Variants in NRG1 observed in about 807,000 individuals in gnomAD.
The protein encoded by NRG1 is neuregulin 1.
In NRG1, 18 loss-of-function variants were observed where a neutral mutation model predicts 63.8. That is an observed-to-expected ratio of 0.28 (90% CI 0.19 to 0.42). NRG1 has a LOEUF of 0.42. Among genes scored for constraint, NRG1 ranks in the 10% least tolerant of loss-of-function variants. The probability of loss-of-function intolerance (pLI) is 1.00; values close to 1 mark genes in which losing one functional copy is unlikely to be tolerated. For synonymous variants in NRG1, 302 were observed against 301.3 expected (o/e 1.00, Z -0.02); for missense variants, 762 against 814.7 (o/e 0.94, Z 0.79).
intron 1 of NRG1, among the ~76,000 whole-genome samples, chr8:31,908,476 C>T (rs984497415): frequency 5.9e-5 from 9 of 152,214 alleles, no homozygotes; most frequent in South Asian, 2.1e-4. Flanking sequence ...CGGGTATGTG[C>T]GGCAACCTTG....
At chr8:31,724,002 T>C (rs544795930) in intron 1 of NRG1, among the ~76,000 whole-genome samples, 116 of 152,230 alleles carry the variant, frequency 7.6e-4, no homozygotes, top group Non-Finnish European at 1.4e-3. Context: ...AGTATTTGCT[T>C]GGTCACTTTT....
intron 1 of NRG1, among the ~76,000 whole-genome samples, chr8:32,465,110 G>A (rs1330733797): frequency 1.3e-5 from 2 of 152,104 alleles, no homozygotes; most frequent in South Asian, 2.1e-4. Context: ...GGGAGGCGGA[G>A]GTTGCAGTCT....
intron 1 of NRG1, among the ~76,000 whole-genome samples, chr8:32,449,627 A>T (rs1820716816): frequency 6.6e-6 from 1 of 152,230 alleles, no homozygotes; most frequent in African/African-American, 2.4e-5. Context: ...ACCATCAAAG[A>T]TGAATAAGCT....
intron 1 of NRG1, among the ~76,000 whole-genome samples, chr8:31,818,091 A>G (rs73674083): frequency 4.0e-4 from 61 of 152,156 alleles, no homozygotes; most frequent in Non-Finnish European, 7.1e-4. Context: ...TATAAGAAAG[A>G]TATTTATCAA....
At chr8:32,484,780 C>T (rs543137487) in intron 1 of NRG1, among the ~76,000 whole-genome samples, 1 of 152,232 alleles carries the variant, frequency 6.6e-6, no homozygotes, top group East Asian at 1.9e-4. Context: ...AGTATTACCA[C>T]TGGGTTTTAT....
intron 1 of NRG1, among the ~76,000 whole-genome samples, chr8:31,988,131 AC>A (rs1810406771): frequency 6.6e-6 from 1 of 152,136 alleles, no homozygotes; most frequent in African/African-American, 2.4e-5. Context: ...AGATTTCCTT[AC>A]TAAACACTAG....
chr8:32,305,593 A>T (rs537612041), intron 1 of NRG1, among the ~76,000 whole-genome samples: 35 of 152,312 alleles, frequency 2.3e-4, no homozygotes, highest in Non-Finnish European at 4.4e-4. Flanking sequence ...AATTCCTCAG[A>T]GTCCACTTAG....
chr8:31,944,478 C>G (rs1802237092), intron 1 of NRG1, among the ~76,000 whole-genome samples: 1 of 152,220 alleles, frequency 6.6e-6, no homozygotes, highest in African/African-American at 2.4e-5. Flanking sequence ...GGCTCTAGCT[C>G]TTAACTTTCC....
intron 1 of NRG1, among the ~76,000 whole-genome samples, chr8:31,668,351 C>A (rs1190024628): frequency 6.6e-6 from 1 of 152,130 alleles, no homozygotes; most frequent in Non-Finnish European, 1.5e-5. Flanking sequence ...GAGGAATGCC[C>A]TAGTCACAGA....
chr8:32,136,548 G>A (rs1286701368), intron 1 of NRG1: 1 of 152,208 alleles, frequency 6.6e-6, no homozygotes, highest in Non-Finnish European at 1.5e-5. Context: ...TGTTGTTGTG[G>A]TGGCATATCT....
intron 1 of NRG1, among the ~76,000 whole-genome samples, chr8:32,232,489 G>A (rs898821209): frequency 6.6e-6 from 1 of 152,120 alleles, no homozygotes; most frequent in Non-Finnish European, 1.5e-5. Context: ...GTAGATAGAC[G>A]TGTAGAATTC....
chr8:32,601,586 T>C (rs918076093), intron 2 of NRG1, among the ~76,000 whole-genome samples: 2 of 152,142 alleles, frequency 1.3e-5, no homozygotes, highest in Admixed American at 1.3e-4. Context: ...CCTGGAAATA[T>C]ATTTAAATAG....
At chr8:32,282,461 C>G (rs1852981794) in intron 1 of NRG1, among the ~76,000 whole-genome samples, 1 of 152,212 alleles carries the variant, frequency 6.6e-6, no homozygotes, top group Non-Finnish European at 1.5e-5. Flanking sequence ...TGCTCTCTGT[C>G]CAGCTGTGGC....
chr8:32,042,627 TA>T (rs1820247213), intron 1 of NRG1, among the ~76,000 whole-genome samples: 1 of 152,076 alleles, frequency 6.6e-6, no homozygotes, highest in South Asian at 2.1e-4. Context: ...CAGCTGTTAT[TA>T]AAATGTTCCA....
rs1474789981 is a variant in NRG1, at chr8:32,059,347, A to G, written c.37+419916A>G. On this transcript the variant is annotated intron_variant, in intron 1 of 10. Coordinates refer to the NRG1 transcript ENST00000519301. ...ACTCCACACTGGACTTACAACTCCT[A>G]GACATCGTGCTGCATCGCTAATGTC... Among the ~76,000 whole-genome samples, 8 of 152,030 alleles carry G rather than the reference A, an allele frequency of 5.3e-5. No individual in the cohort carries two copies. The South Asian group carries it at 6.2e-4, about 12-fold the overall frequency.
At chr8:31,942,362 C>T (rs772162732) in intron 1 of NRG1, among the ~76,000 whole-genome samples, 13 of 152,146 alleles carry the variant, frequency 8.5e-5, no homozygotes, top group Non-Finnish European at 1.2e-4. Flanking sequence ...GGATCTTCAT[C>T]TCTTATCCTA....
At chr8:31,984,224 T>C (rs1809650952) in intron 1 of NRG1, among the ~76,000 whole-genome samples, 1 of 152,144 alleles carries the variant, frequency 6.6e-6, no homozygotes, top group South Asian at 2.1e-4. Context: ...ATACAAGTTC[T>C]TCTTGAACAA....
Position 32,180,270 on chromosome 8 carries a change from C to T in NRG1, c.38-415558C>T, listed in dbSNP as rs1841292174. On this transcript the variant is annotated intron_variant, in intron 1 of 10. Coordinates refer to the NRG1 transcript ENST00000519301. Reference sequence around the variant, plus strand: ...CTTTTGCAGATGCATTCTATAACTGCACAAATTACCCTTCCAATTTTCTCC... The same window carrying T: ...CTTTTGCAGATGCATTCTATAACTGTACAAATTACCCTTCCAATTTTCTCC... 2.0e-5 allele frequency among the ~76,000 whole-genome samples: 3 copies of T among 152,274 alleles called. No individual in the cohort carries two copies. The South Asian group carries it at 6.2e-4, about 32-fold the overall frequency.
intron 1 of NRG1, among the ~76,000 whole-genome samples, chr8:32,197,012 T>G (rs1187559693): frequency 4.5e-5 from 6 of 131,962 alleles, no homozygotes; most frequent in Non-Finnish European, 7.8e-5. Flanking sequence ...CAGGCTGGAG[T>G]GCAGTGGCGC....
Sources: gnomAD v4.1 joint callset for allele counts (sites outside exome capture counted in the v4.1 genomes callset) on GRCh38, gnomAD v4.1.1 for gene constraint, MANE v1.5 for transcripts, NCBI Gene and HGNC (gene_info 2026-07-23, HGNC 2026-07-21) for gene names.